EPB41L4A: variants seen among roughly 807,000 people sequenced by gnomAD.
EPB41L4A encodes the protein band 4.1-like protein 4A.
EPB41L4A carries 100 observed loss-of-function variants against 108.6 expected under a neutral mutation model. The observed-to-expected ratio is 0.92, with a 90% CI of 0.78 to 1.09. The LOEUF (loss-of-function observed/expected upper bound fraction) is 1.09, where lower values mean the gene tolerates loss of function less well. Among genes scored for constraint, EPB41L4A ranks in the 50% least tolerant of loss-of-function variants. The pLI, the probability that EPB41L4A is intolerant of heterozygous loss-of-function variation, is 0.00. For missense variants in EPB41L4A, 1,030 were observed against 842.7 expected (o/e 1.22, Z -2.75); for synonymous variants, 319 against 289.0 (o/e 1.10, Z -1.05).
intron 1 of EPB41L4A, among the ~76,000 whole-genome samples, chr5:112,360,606 G>A (rs1057022533): frequency 2.6e-4 from 39 of 152,274 alleles, no homozygotes; most frequent in Non-Finnish European, 5.0e-4. Context: ...GTGCAGTGGC[G>A]TGATCTCGGC....
chr5:112,359,549 T>A (rs1208364056), intron 1 of EPB41L4A, among the ~76,000 whole-genome samples: 1 of 152,050 alleles, frequency 6.6e-6, no homozygotes, highest in Non-Finnish European at 1.5e-5. Context: ...GTCTTCTTTT[T>A]TTTTTTTTTG....
chr5:112,208,525 T>C (rs1169380154), intron 13 of EPB41L4A, among the ~76,000 whole-genome samples: 6 of 151,956 alleles, frequency 3.9e-5, no homozygotes, highest in African/African-American at 1.2e-4. Context: ...GAACTAAACA[T>C]TGAGTACACA....
chr5:112,242,265 T>C (rs1025821815), intron 9 of EPB41L4A, among the ~76,000 whole-genome samples: 1 of 152,246 alleles, frequency 6.6e-6, no homozygotes, highest in Non-Finnish European at 1.5e-5. Context: ...ACCACTACTT[T>C]ATCAATTAAG....
chr5:112,277,978 G>A (rs1752717377), intron 3 of EPB41L4A, among the ~76,000 whole-genome samples: 2 of 152,260 alleles, frequency 1.3e-5, no homozygotes, highest in Admixed American at 6.5e-5. Flanking sequence ...CAAAAACTGG[G>A]AATCCTCTAT....
At chr5:112,313,918 C>T (rs1356260205) in intron 1 of EPB41L4A, among the ~76,000 whole-genome samples, 1 of 129,118 alleles carries the variant, frequency 7.7e-6, no homozygotes, top group African/African-American at 3.1e-5. Flanking sequence ...GGCTGGAGTG[C>T]AGTGGCGCAA....
chr5:112,414,853 T>C (rs1430738868), intron 1 of EPB41L4A, among the ~76,000 whole-genome samples: 2 of 152,154 alleles, frequency 1.3e-5, no homozygotes, highest in East Asian at 1.9e-4. Flanking sequence ...TTTAGAAAAC[T>C]GGATGTAGTT....
At chr5:112,271,070 G>A (rs1168404734) in intron 4 of EPB41L4A, among the ~76,000 whole-genome samples, 1 of 152,144 alleles carries the variant, frequency 6.6e-6, no homozygotes, top group Non-Finnish European at 1.5e-5. Flanking sequence ...TCTTGCCCTG[G>A]TCACCACTGA....
chr5:112,303,920 C>T (rs1317802846), intron 2 of EPB41L4A, among the ~76,000 whole-genome samples: 2 of 152,084 alleles, frequency 1.3e-5, no homozygotes, highest in East Asian at 3.9e-4. Flanking sequence ...AAGACTTGAA[C>T]ACACCCAAAC....
At chr5:112,198,586 G>A (rs987070699) in intron 15 of EPB41L4A, among the ~76,000 whole-genome samples, 2 of 151,950 alleles carry the variant, frequency 1.3e-5, no homozygotes, top group Non-Finnish European at 2.9e-5. Flanking sequence ...CCTCTCCTAT[G>A]TTTTCTCTGT....
rs888675755 is a variant in EPB41L4A at position 112,257,827 on chromosome 5, T to C, written c.795+1402A>G. Among the ~76,000 whole-genome samples, 60 of 152,350 alleles carry C rather than the reference T, an allele frequency of 3.9e-4. 2 individuals are homozygous for C. The highest frequency in any genetic ancestry group is 1.4e-3 in the African/African-American group (57 of 41,576). ...ACAGATCTTACTCCTTGCATTATTA[T>C]TATTTAGATGAATTATTATTCATGT... On this transcript the variant is annotated intron_variant, in intron 9 of 22. Coordinates refer to ENST00000261486, the MANE Select transcript of EPB41L4A (RefSeq NM_022140.5).
chr5:112,358,916 C>T (rs79451588), intron 1 of EPB41L4A, among the ~76,000 whole-genome samples: 1,653 of 152,218 alleles, frequency 0.011, 28 homozygotes, highest in African/African-American at 0.038. Context: ...AACTTCAATG[C>T]TAGGTGAAAG....
intron 1 of EPB41L4A, among the ~76,000 whole-genome samples, chr5:112,361,860 T>C (rs1355209850): frequency 6.6e-6 from 1 of 152,106 alleles, no homozygotes; most frequent in Non-Finnish European, 1.5e-5. Flanking sequence ...GCCTTCAGCC[T>C]GGTCAACAGA....
intron 4 of EPB41L4A, among the ~76,000 whole-genome samples, chr5:112,270,310 GAACCTAGAGGAGAGTACC>G (rs1422906490): frequency 6.6e-6 from 1 of 152,156 alleles, no homozygotes; most frequent in Non-Finnish European, 1.5e-5. Context: ...TGAAACAGGA[GAACCTAGAGGAGAGTACC>G]AACCTACACA....
At chr5:112,268,714 A>G (rs757356803) in intron 4 of EPB41L4A, among the ~76,000 whole-genome samples, 2 of 151,722 alleles carry the variant, frequency 1.3e-5, no homozygotes, top group Non-Finnish European at 2.9e-5. Context: ...AGCCAGGTAC[A>G]TGCATGTAGT....
At chr5:112,287,867 T>C (rs549375244) in intron 2 of EPB41L4A, among the ~76,000 whole-genome samples, 26 of 152,312 alleles carry the variant, frequency 1.7e-4, no homozygotes, top group African/African-American at 6.0e-4. Flanking sequence ...AGGTAAACTG[T>C]TGAAATTGCT....
Position 112,184,079 on chromosome 5 carries a change from C to T in EPB41L4A, c.1559G>A (p.Arg520Lys). Residue 520 changes from arginine to lysine, a missense_variant, in exon 18 of 23, where the codon AGG (arginine) becomes AAG (lysine). By Grantham distance (26) the Arg-to-Lys change is conservative. Coordinates refer to ENST00000261486, the MANE Select transcript of EPB41L4A (RefSeq NM_022140.5). ...DSAPQWEAVL[R>K]RQKEKNQADP... is the part of the protein sequence containing the mutation. ...GGCTTGGTTTTTTTCCTTTTGTCTC[C>T]TTAATACAGCTTCCCACTGAGGCGC... 1.9e-6 allele frequency: 3 copies of T among 1,614,016 alleles called. No homozygotes were observed. The highest frequency in any genetic ancestry group is 2.5e-6 in the Non-Finnish European group (3 of 1,179,940).
chr5:112,374,941 G>A (rs1242354956), intron 1 of EPB41L4A, among the ~76,000 whole-genome samples: 2 of 152,168 alleles, frequency 1.3e-5, no homozygotes, highest in Non-Finnish European at 2.9e-5. Context: ...ACAAGGTGAT[G>A]TTCAACATTC....
At chr5:112,157,723 T>C (rs578208704), downstream of EPB41L4A, among the ~76,000 whole-genome samples, 34 of 152,356 alleles carry the variant, frequency 2.2e-4, no homozygotes, top group African/African-American at 7.7e-4. Flanking sequence ...TCAAGGTTCC[T>C]AATATTAATC....
At chr5:112,412,001 C>T (rs1310522005) in intron 1 of EPB41L4A, among the ~76,000 whole-genome samples, 1 of 152,202 alleles carries the variant, frequency 6.6e-6, no homozygotes, top group East Asian at 1.9e-4. Context: ...TTCTAACCAA[C>T]CGCTGAAACA....
Sources: allele counts gnomAD v4.1 joint callset (sites outside exome capture counted in the v4.1 genomes callset), GRCh38; gene constraint gnomAD v4.1.1; transcripts MANE v1.5; gene names NCBI Gene and HGNC (gene_info 2026-07-23, HGNC 2026-07-21).